Variants in IL7 observed in about 807,000 individuals in gnomAD.
IL7 encodes the protein interleukin 7, also known as interleukin-7.
IL7 carries 3 observed loss-of-function variants against 21.6 expected under a neutral mutation model. That is an observed-to-expected ratio of 0.14 (90% CI 0.06 to 0.36). The LOEUF is 0.36. Among genes scored for constraint, IL7 ranks in the 10% least tolerant of loss-of-function variants. IL7 has a pLI of 1.00. For synonymous variants in IL7, 62 were observed against 68.1 expected (o/e 0.91, Z 0.44); for missense variants, 175 against 200.2 (o/e 0.87, Z 0.76).
At chr8:78,678,715 G>T (rs769107462) in intron 4 of IL7, 254 of 1,452,088 alleles carry the variant, frequency 1.7e-4, no homozygotes, top group Non-Finnish European at 2.3e-4. Flanking sequence ...ATGAACTTTG[G>T]TGTTATGTAT....
intron 6 of IL7, chr8:78,718,389 G>T (rs1288274266): frequency 1.3e-5 from 2 of 151,812 alleles, no homozygotes; most frequent in Non-Finnish European, 2.9e-5. Context: ...ATAATTTTTT[G>T]TATCTGAATT....
At chr8:78,781,855 C>T (rs1453355874) in intron 2 of IL7, among the ~76,000 whole-genome samples, 1 of 152,160 alleles carries the variant, frequency 6.6e-6, no homozygotes, top group African/African-American at 2.4e-5. Context: ...TCACGTACCC[C>T]AATCAGGCGT....
chr8:78,722,272 T>C (rs1164057248), intron 3 of IL7, among the ~76,000 whole-genome samples: 1 of 151,986 alleles, frequency 6.6e-6, no homozygotes, highest in Non-Finnish European at 1.5e-5. Flanking sequence ...TGTCCTGTGA[T>C]CTACTTAAGC....
intron 1 of IL7, among the ~76,000 whole-genome samples, chr8:78,803,800 C>T (rs1814179691): frequency 6.6e-6 from 1 of 152,082 alleles, no homozygotes; most frequent in Admixed American, 6.5e-5. Flanking sequence ...TAGAAGTCCT[C>T]CATAATTACG....
chr8:78,715,927 C>T (rs1038977010), downstream of IL7, among the ~76,000 whole-genome samples: 2 of 150,704 alleles, frequency 1.3e-5, no homozygotes, highest in African/African-American at 4.9e-5. Context: ...GTAATCCCAG[C>T]TACTCAGGAG....
chr8:78,698,042 G>T, intron 3 of IL7, among the ~76,000 whole-genome samples: 1 of 152,184 alleles, frequency 6.6e-6, no homozygotes, highest in East Asian at 1.9e-4. Context: ...GATGTCATCT[G>T]TTCAGAATAG....
chr8:78,775,331 G>A (rs1020075983), intron 2 of IL7, among the ~76,000 whole-genome samples: 1 of 151,986 alleles, frequency 6.6e-6, no homozygotes, highest in Non-Finnish European at 1.5e-5. Context: ...AGTGCCATAC[G>A]TCACAAAATT....
Position 78,736,506 on chromosome 8 carries a change from C to T in IL7, c.382G>A (p.Ala128Thr). The T allele has an allele frequency of 6.2e-7, 1 of 1,602,856 alleles. No individual in the cohort carries two copies. Among genetic ancestry groups the T allele is most frequent in the Non-Finnish European group, 8.5e-7 (1 of 1,172,546 alleles). Reference sequence around the variant, plus strand: ...TTTGTTGGTTGGGCTTCACCCAGGGCAGCTGGTTTTCTTCCTTTAACCTTA... The same window carrying T: ...TTTGTTGGTTGGGCTTCACCCAGGGTAGCTGGTTTTCTTCCTTTAACCTTA... Reference protein sequence around the residue: ...TGQVKGRKPAALGEAQPTKSL... With the variant: ...TGQVKGRKPATLGEAQPTKSL... The change falls in exon 5 of 6, where the codon GCC becomes ACC. Residue 128 changes from alanine to threonine, a missense_variant. Coordinates refer to ENST00000263851, the MANE Select transcript of IL7 (RefSeq NM_000880.4).
intron 3 of IL7, among the ~76,000 whole-genome samples, chr8:78,693,150 G>C (rs538703456): frequency 6.6e-6 from 1 of 152,138 alleles, no homozygotes; most frequent in African/African-American, 2.4e-5. Flanking sequence ...ATTTGGGTTG[G>C]TTCCAAGTCT....
At chr8:78,795,856 T>G (rs10106628) in intron 2 of IL7, among the ~76,000 whole-genome samples, 8 of 152,040 alleles carry the variant, frequency 5.3e-5, no homozygotes, top group African/African-American at 1.9e-4. Flanking sequence ...TGGATTACAA[T>G]GTACAGTGTA....
intron 2 of IL7, chr8:78,761,015 C>A (rs1228715955): frequency 2.5e-6 from 4 of 1,611,666 alleles, no homozygotes; most frequent in Admixed American, 1.7e-5. Flanking sequence ...TACTGCACTG[C>A]AGAGTACAAA....
chr8:78,735,678 G>T (rs1242400286), intron 5 of IL7, among the ~76,000 whole-genome samples: 5 of 152,070 alleles, frequency 3.3e-5, no homozygotes, highest in Non-Finnish European at 7.4e-5. Context: ...TTTAGCTTCT[G>T]TATTCACTTC....
At chr8:78,722,672 T>G (rs1811262524) in intron 3 of IL7, among the ~76,000 whole-genome samples, 1 of 151,940 alleles carries the variant, frequency 6.6e-6, no homozygotes, top group Non-Finnish European at 1.5e-5. Flanking sequence ...TCTCCATATC[T>G]ACAAAGAGTT....
intron 2 of IL7, among the ~76,000 whole-genome samples, chr8:78,750,293 G>A (rs1293689887): frequency 6.6e-6 from 1 of 151,998 alleles, no homozygotes; most frequent in African/African-American, 2.4e-5. Flanking sequence ...AAAAGACTAA[G>A]ACCTAATCAC....
chr8:78,711,861 G>C (rs945200990), intron 3 of IL7: 13 of 449,470 alleles, frequency 2.9e-5, no homozygotes, highest in Non-Finnish European at 5.0e-5. Flanking sequence ...TTCTTACCTT[G>C]ACAGTCAGAT....
rs1208996153 is a variant in IL7 at position 78,711,857 on chromosome 8, C to G, written n.214+9491G>C. 1.8e-5 allele frequency: 8 copies of G among 441,134 alleles called. No individual in the cohort carries two copies. The East Asian group carries it at 4.2e-4, about 23-fold the overall frequency. The allele number at this position is 441,134 out of a possible 1,614,324, so 27.3% of individuals were successfully genotyped here. A position where few individuals can be genotyped will look rare whatever the true frequency, so the allele number is the denominator to read the frequency against. Reference sequence around the variant, plus strand: ...GGATTCTTTTGGACATTAGTTCTTACCTTGACAGTCAGATAAAATTAAGGA... The same window carrying G: ...GGATTCTTTTGGACATTAGTTCTTAGCTTGACAGTCAGATAAAATTAAGGA... On this transcript the variant is annotated intron_variant and non_coding_transcript_variant, in intron 3 of 4. Transcript: ENST00000523959.
chr8:78,747,921 A>G (rs1301272665), intron 2 of IL7, among the ~76,000 whole-genome samples: 1 of 152,228 alleles, frequency 6.6e-6, no homozygotes, highest in Admixed American at 6.5e-5. Flanking sequence ...CTTCCCGGAG[A>G]AGGATACTTC....
At chr8:78,729,977 C>A (rs1811396974), downstream of IL7, among the ~76,000 whole-genome samples, 1 of 151,780 alleles carries the variant, frequency 6.6e-6, no homozygotes, top group Admixed American at 6.6e-5. Flanking sequence ...ATCAGTTCCA[C>A]CTGGGAAAGC....
intron 2 of IL7, among the ~76,000 whole-genome samples, chr8:78,777,354 C>T (rs1300857914): frequency 6.6e-6 from 1 of 151,980 alleles, no homozygotes; most frequent in African/African-American, 2.4e-5. Flanking sequence ...ACAACAGGCA[C>T]CTATAAAAAA....
Sources: gnomAD v4.1 joint callset for allele counts (sites outside exome capture counted in the v4.1 genomes callset) on GRCh38, gnomAD v4.1.1 for gene constraint, MANE v1.5 for transcripts, NCBI Gene and HGNC (gene_info 2026-07-23, HGNC 2026-07-21) for gene names.